Variants in C1QTNF7 observed in about 807,000 individuals in gnomAD.
C1QTNF7 encodes the protein C1q and TNF related 7.
A neutral mutation model predicts 19.6 loss-of-function variants in C1QTNF7; 15 were observed. The ratio of observed to expected loss-of-function variants is 0.76; its 90% CI spans 0.51 to 1.18. The LOEUF (loss-of-function observed/expected upper bound fraction) is 1.18, where lower values mean the gene tolerates loss of function less well. Ranked by LOEUF, C1QTNF7 falls within the 50% of genes most tolerant of loss-of-function variation. The pLI is 0.00. For synonymous variants in C1QTNF7, 142 were observed against 137.5 expected, an observed-to-expected ratio of 1.03 and a Z score of -0.23; for missense variants, 324 against 359.7, an observed-to-expected ratio of 0.90 and a Z score of 0.80.
intron 1 of C1QTNF7, among the ~76,000 whole-genome samples, chr4:15,394,990 G>A (rs1447281934): frequency 6.6e-6 from 1 of 152,180 alleles, no homozygotes; most frequent in Non-Finnish European, 1.5e-5. Context: ...AACACAAACA[G>A]ACTAATGCCA....
intron 1 of C1QTNF7, chr4:15,358,626 C>T (rs183107645): frequency 5.2e-4 from 79 of 152,248 alleles, no homozygotes; most frequent in African/African-American, 1.8e-3. Context: ...TAAAGTTTGC[C>T]TCTTGTGCCT....
intron 1 of C1QTNF7, among the ~76,000 whole-genome samples, chr4:15,405,799 A>G (rs888934855): frequency 5.9e-5 from 9 of 152,122 alleles, no homozygotes; most frequent in Non-Finnish European, 8.8e-5. Context: ...AGCTTTCAAG[A>G]CCCTGCATAA....
At chr4:15,384,760 G>A (rs1301616973) in intron 1 of C1QTNF7, among the ~76,000 whole-genome samples, 5 of 152,168 alleles carry the variant, frequency 3.3e-5, no homozygotes, top group East Asian at 1.9e-4. Flanking sequence ...AAATGTTTCC[G>A]ATTTTGACTG....
At chr4:15,403,835 C>T (rs6857453) in intron 1 of C1QTNF7, among the ~76,000 whole-genome samples, 2 of 152,052 alleles carry the variant, frequency 1.3e-5, no homozygotes, top group East Asian at 3.9e-4. Context: ...TAGTTGTATT[C>T]TTTATGTTTT....
chr4:15,400,948 G>A (rs78244049), intron 1 of C1QTNF7, among the ~76,000 whole-genome samples: 2,857 of 152,246 alleles, frequency 0.019, 40 homozygotes, highest in East Asian at 0.047. Flanking sequence ...AAGGGGACAT[G>A]TAGGTAATTC....
At position 15,435,824 on chromosome 4, in the gene C1QTNF7, C is replaced by T. The variant is rs1354796819; in HGVS notation, c.81C>T (p.Asn27=). The T allele has an allele frequency of 6.2e-7, 1 of 1,614,122 alleles. No homozygotes were observed. Among genetic ancestry groups the T allele is most frequent in the Admixed American group, 1.7e-5 (1 of 60,022 alleles). Residue 27 remains asparagine (N), a synonymous_variant, in exon 2 of 3, where the codon AAC becomes AAT. Transcript: ENST00000444304. Reference sequence around the variant, plus strand: ...GGGGTAATCAGTTGAAAGGAGAGAACTACTCCCCCAGGTATATCTGCAGCA... The same window carrying T: ...GGGGTAATCAGTTGAAAGGAGAGAATTACTCCCCCAGGTATATCTGCAGCA... ...QPRGNQLKGE[N]YSPRYICSIP... is the part of the protein sequence containing the mutation.
chr4:15,347,868 C>A (rs1013594205), intron 1 of C1QTNF7, among the ~76,000 whole-genome samples: 1 of 152,182 alleles, frequency 6.6e-6, no homozygotes, highest in Non-Finnish European at 1.5e-5. Flanking sequence ...GAGATCATTT[C>A]TTAAACTTGC....
intron 1 of C1QTNF7, among the ~76,000 whole-genome samples, chr4:15,357,400 T>C (rs1489166806): frequency 6.6e-6 from 1 of 152,194 alleles, no homozygotes; most frequent in Non-Finnish European, 1.5e-5. Flanking sequence ...AAAGATCAGA[T>C]TGTTGTAGAT....
chr4:15,377,779 C>T (rs536400326), intron 1 of C1QTNF7, among the ~76,000 whole-genome samples: 1 of 152,234 alleles, frequency 6.6e-6, no homozygotes, highest in Admixed American at 6.5e-5. Context: ...TCTGGCTTCT[C>T]CACTTTCTAA....
chr4:15,377,872 T>A (rs1175754950), intron 1 of C1QTNF7, among the ~76,000 whole-genome samples: 1 of 152,218 alleles, frequency 6.6e-6, no homozygotes, highest in Non-Finnish European at 1.5e-5. Context: ...GCATAATAGA[T>A]ACCTAAGAAA....
chr4:15,365,241 CT>C (rs935093014), intron 1 of C1QTNF7, among the ~76,000 whole-genome samples: 9 of 147,836 alleles, frequency 6.1e-5, no homozygotes, highest in East Asian at 4.0e-4. Context: ...TAAGAGATCT[CT>C]TTTTTTTTTC....
intron 1 of C1QTNF7, among the ~76,000 whole-genome samples, chr4:15,419,486 T>A (rs1711636849): frequency 6.6e-6 from 1 of 152,126 alleles, no homozygotes; most frequent in Non-Finnish European, 1.5e-5. Flanking sequence ...ACAGCAACAG[T>A]GTATAGGTAC....
chr4:15,340,336 A>C, intron 1 of C1QTNF7: 1 of 1,193,268 alleles, frequency 8.4e-7, no homozygotes, highest in Non-Finnish European at 1.2e-6. Context: ...ATATGTCAAC[A>C]AATGATAAAT....
intron 1 of C1QTNF7, among the ~76,000 whole-genome samples, chr4:15,433,265 A>G (rs978919521): frequency 1.3e-5 from 2 of 151,450 alleles, no homozygotes; most frequent in African/African-American, 2.4e-5. Context: ...TAATCCTTCC[A>G]CCTCAGCCTC....
chr4:15,400,877 C>T (rs1718964120), intron 1 of C1QTNF7, among the ~76,000 whole-genome samples: 1 of 152,148 alleles, frequency 6.6e-6, no homozygotes, highest in Admixed American at 6.5e-5. Flanking sequence ...ACCCAGCCAC[C>T]ATCACCATTT....
At chr4:15,364,635 T>G (rs1717447733) in intron 1 of C1QTNF7, among the ~76,000 whole-genome samples, 2 of 152,316 alleles carry the variant, frequency 1.3e-5, no homozygotes, top group South Asian at 4.1e-4. Flanking sequence ...TTGTAATAAC[T>G]TCACATATAA....
rs1477648931 is a variant in C1QTNF7, at chr4:15,432,239, T to C, written c.-8-3497T>C. Among the ~76,000 whole-genome samples, 3 of 152,242 alleles carry C rather than the reference T, an allele frequency of 2.0e-5. No individual in the cohort carries two copies. The East Asian group carries it at 5.8e-4, about 29-fold the overall frequency. ...CATGTAACATGAAGCTTTGGGCCCTTAGGTGCAATGAAGAACCAAACAGCG... is the reference window on the plus strand; with the variant it reads ...CATGTAACATGAAGCTTTGGGCCCTCAGGTGCAATGAAGAACCAAACAGCG... On this transcript the variant is annotated intron_variant, in intron 1 of 2. Transcript: ENST00000444304.
At chr4:15,423,462 T>G (rs1435777741), upstream of C1QTNF7, among the ~76,000 whole-genome samples, 1 of 152,212 alleles carries the variant, frequency 6.6e-6, no homozygotes, top group African/African-American at 2.4e-5. Flanking sequence ...TTCCCTGCAA[T>G]GAAAGCAGAT....
intron 1 of C1QTNF7, among the ~76,000 whole-genome samples, chr4:15,408,275 C>CAA (rs71179625): frequency 3.7e-3 from 288 of 78,158 alleles, no homozygotes; most frequent in Middle Eastern, 0.011. Context: ...GACTCTGTCT[C>CAA]AAAAAAAAAA....
Sources: allele counts gnomAD v4.1 joint callset (sites outside exome capture counted in the v4.1 genomes callset), GRCh38; gene constraint gnomAD v4.1.1; transcripts MANE v1.5; gene names NCBI Gene and HGNC (gene_info 2026-07-23, HGNC 2026-07-21).